The following GORASP2 variants were observed in gnomAD, a reference collection of about 807,000 sequenced individuals.
The protein encoded by GORASP2 is golgi reassembly stacking protein 2, also known as Golgi reassembly-stacking protein 2.
GORASP2 carries 22 observed loss-of-function variants against 45.7 expected under a neutral mutation model. The observed-to-expected ratio is 0.48, with a 90% CI of 0.34 to 0.69. The LOEUF (loss-of-function observed/expected upper bound fraction) is 0.69, where lower values mean the gene tolerates loss of function less well. Among genes scored for constraint, GORASP2 ranks in the 30% least tolerant of loss-of-function variants. The pLI is 0.01. For missense variants in GORASP2, 491 were observed against 562.7 expected (o/e 0.87, Z 1.29); for synonymous variants, 221 against 215.6 (o/e 1.02, Z -0.22).
chr2:170,933,258 T>C (rs761409806), intron 1 of GORASP2, among the ~76,000 whole-genome samples: 6 of 152,226 alleles, frequency 3.9e-5, no homozygotes, highest in Non-Finnish European at 8.8e-5. Context: ...AATGGCACTT[T>C]TATTTTGGTC....
intron 1 of GORASP2, among the ~76,000 whole-genome samples, chr2:170,937,491 TC>T (rs34608263): frequency 1.3e-5 from 2 of 152,032 alleles, no homozygotes; most frequent in Non-Finnish European, 2.9e-5. Flanking sequence ...GTGAGCCACA[TC>T]CCTGCCCTAA....
At chr2:170,931,893 A>G (rs908734741) in intron 1 of GORASP2, among the ~76,000 whole-genome samples, 1 of 152,222 alleles carries the variant, frequency 6.6e-6, no homozygotes, top group African/African-American at 2.4e-5. Context: ...CACTGTGGAC[A>G]GTTTTTTACA....
At chr2:170,965,760 G>T in intron 9 of GORASP2, 30 bp from the exon 10 acceptor site, 1 of 1,437,738 alleles carries the variant, frequency 7.0e-7, no homozygotes, top group Non-Finnish European at 9.8e-7. Flanking sequence ...GTGCTGGGAG[G>T]ATGTATGATC....
In GORASP2 at chr2:170,952,244, G is replaced by A. The variant is rs140507930; in HGVS notation, c.566+786G>A. On this transcript the variant is annotated intron_variant, in intron 5 of 9. Transcript: ENST00000234160. ...AGGAAGAGATTCTGTGGACAGTGAA[G>A]ACCAACAGCAAAGAACATCACATAT... 1.9e-4 allele frequency among the ~76,000 whole-genome samples: 29 copies of A among 152,330 alleles called. No homozygotes were observed. The East Asian group carries it at 4.4e-3, about 23-fold the overall frequency.
At chr2:170,954,883 A>C in intron 6 of GORASP2, 101 bp downstream of exon 6, 1 of 848,900 alleles carries the variant, frequency 1.2e-6, no homozygotes, top group Non-Finnish European at 1.9e-6. Context: ...AAAATAGGGT[A>C]GACGATGAGT....
chr2:170,956,349 A>T, intron 6 of GORASP2, 87 bp from the exon 7 acceptor site: 1 of 1,183,490 alleles, frequency 8.4e-7, no homozygotes, highest in African/African-American at 1.5e-5. Context: ...CCAAATATCT[A>T]TCTGCAGGGC....
chr2:170,961,581 A>C, intron 7 of GORASP2, 82 bp from the exon 8 acceptor site: 44 of 791,900 alleles, frequency 5.6e-5, no homozygotes, highest in Middle Eastern at 2.3e-4. Context: ...GCAAGGAGGG[A>C]CTGCAGATTG....
intron 9 of GORASP2, among the ~76,000 whole-genome samples, chr2:170,963,865 G>GAATT (rs1436776105): frequency 6.6e-6 from 1 of 151,998 alleles, no homozygotes; most frequent in African/African-American, 2.4e-5. Context: ...GGCTGGTCTT[G>GAATT]AATTCCTGGG....
At chr2:170,955,731 A>C (rs890183579) in intron 6 of GORASP2, among the ~76,000 whole-genome samples, 3 of 152,186 alleles carry the variant, frequency 2.0e-5, no homozygotes, top group African/African-American at 7.2e-5. Context: ...CACTGGCCCT[A>C]ATCAGGGCTT....
chr2:170,964,625 C>G (rs954174682), intron 9 of GORASP2, among the ~76,000 whole-genome samples: 2 of 152,066 alleles, frequency 1.3e-5, no homozygotes, highest in Non-Finnish European at 2.9e-5. Context: ...TGCACTCCAG[C>G]CTGGGTGACA....
rs1479677837 is a variant in GORASP2 at position 170,951,311 on chromosome 2, C to T, written c.436-17C>T. ...GTATGGTAACGTGAAACATTTTCTC[C>T]TGTGACACTTTTGCAGTCTGAAGAT... is the stretch of plus-strand genomic sequence containing the variant. On this transcript the variant is annotated splice_polypyrimidine_tract_variant and intron_variant, in intron 4 of 9. Transcript: ENST00000234160. 3.0e-5 allele frequency: 47 copies of T among 1,583,846 alleles called. No homozygotes were observed. Among genetic ancestry groups the T allele is most frequent in the Non-Finnish European group, 3.9e-5 (46 of 1,167,684 alleles).
At chr2:170,963,189 A>G (rs112658837) in intron 9 of GORASP2, among the ~76,000 whole-genome samples, 3 of 152,174 alleles carry the variant, frequency 2.0e-5, no homozygotes, top group Non-Finnish European at 2.9e-5. Flanking sequence ...CCTGGCCAAC[A>G]TGGCAAAACC....
At chr2:170,946,025 G>GTT (rs1156323655) in intron 1 of GORASP2, among the ~76,000 whole-genome samples, 1 of 151,764 alleles carries the variant, frequency 6.6e-6, no homozygotes, top group East Asian at 1.9e-4. Context: ...GTTTTGTTTT[G>GTT]TTTTGAGACA....
In GORASP2 at chr2:170,966,466, G is replaced by C; in HGVS notation, c.*336G>C. The C allele has an allele frequency of 2.6e-6, 1 of 389,990 alleles. No individual in the cohort carries two copies. The highest frequency in any genetic ancestry group is 6.1e-5 in the East Asian group (1 of 16,376). 24.2% of individuals were successfully genotyped at this position (389,990 alleles called of 1,614,324 possible). On this transcript the variant is annotated 3_prime_UTR_variant, in exon 10 of 10. Transcript: ENST00000234160. ...TCCACTAGGTTTCCTGTCCCCTGCT[G>C]CTCCTTCCGTAAGAAAATGAAATAT...
At chr2:170,956,587 A>G in intron 7 of GORASP2, 28 bp downstream of exon 7, 1 of 1,579,134 alleles carries the variant, frequency 6.3e-7, no homozygotes, top group Non-Finnish European at 8.6e-7. Flanking sequence ...TTCTGTTTTC[A>G]GTCTATTTTA....
chr2:170,959,630 A>C (rs910886180), intron 7 of GORASP2, among the ~76,000 whole-genome samples: 4 of 152,222 alleles, frequency 2.6e-5, no homozygotes, highest in African/African-American at 9.7e-5. Context: ...ACATTGTAAC[A>C]GTGTAATACA....
intron 1 of GORASP2, among the ~76,000 whole-genome samples, chr2:170,938,618 T>C (rs1704007798): frequency 6.6e-6 from 1 of 152,254 alleles, no homozygotes; most frequent in Non-Finnish European, 1.5e-5. Context: ...TTCTTCATTG[T>C]AGAATCTATA....
rs1704295630 is a variant in GORASP2, at chr2:170,951,421, A to G, written c.529A>G (p.Ile177Val). ...NTDTDNCREV[I>V]ITPNSAWGGE... ...AGACACTGATAACTGTCGAGAAGTGATTATTACACCAAATTCTGCATGGGG... is the reference window on the plus strand; with the variant it reads ...AGACACTGATAACTGTCGAGAAGTGGTTATTACACCAAATTCTGCATGGGG... Residue 177 changes from isoleucine (I) to valine (V), a missense_variant, in exon 5 of 10, where the codon ATT becomes GTT. By Grantham distance (29) the Ile-to-Val change is conservative. Transcript: ENST00000234160. 1.9e-6 allele frequency: 3 copies of G among 1,611,666 alleles called. No homozygotes were observed. Among genetic ancestry groups the G allele is most frequent in the Non-Finnish European group, 2.5e-6 (3 of 1,179,072 alleles).
At chr2:170,959,286 G>A (rs897355218) in intron 7 of GORASP2, among the ~76,000 whole-genome samples, 2 of 152,172 alleles carry the variant, frequency 1.3e-5, no homozygotes, top group Non-Finnish European at 2.9e-5. Flanking sequence ...GATTTTAGGC[G>A]ATAGTTGACA....
Sources: gnomAD v4.1 joint callset for allele counts (sites outside exome capture counted in the v4.1 genomes callset) on GRCh38, gnomAD v4.1.1 for gene constraint, MANE v1.5 for transcripts, NCBI Gene and HGNC (gene_info 2026-07-23, HGNC 2026-07-21) for gene names.